GPC5: variants seen among roughly 807,000 people sequenced by gnomAD.
GPC5 encodes glypican 5, also known as glypican-5.
GPC5 carries 47 observed loss-of-function variants against 53.9 expected under a neutral mutation model. The ratio of observed to expected loss-of-function variants is 0.87; its 90% CI spans 0.69 to 1.11. The LOEUF is 1.11. Ranked by LOEUF, GPC5 falls within the 50% of genes most tolerant of loss-of-function variation. The pLI is 0.00. For synonymous variants in GPC5, 286 were observed against 263.3 expected, an observed-to-expected ratio of 1.09 and a Z score of -0.84; for missense variants, 748 against 713.1, an observed-to-expected ratio of 1.05 and a Z score of -0.56.
At position 91,676,228 on chromosome 13, in the gene GPC5, G is replaced by A. The variant is rs543966305; in HGVS notation, c.326-16959G>A. Among the ~76,000 whole-genome samples, 9 of 152,126 alleles carry A rather than the reference G, an allele frequency of 5.9e-5. No homozygotes were observed. The South Asian group carries it at 1.0e-3, about 18-fold the overall frequency. On this transcript the variant is annotated intron_variant, in intron 2 of 7. Transcript: ENST00000377067. ...TGGGATTACAGGTGCCCGCCACCAC[G>A]CCTGACTAATTTTTGTATTTTTAGT...
intron 1 of GPC5, among the ~76,000 whole-genome samples, chr13:91,408,839 A>G (rs1877515510): frequency 6.6e-6 from 1 of 152,140 alleles, no homozygotes; most frequent in Non-Finnish European, 1.5e-5. Context: ...TAATTAAATA[A>G]TCTTCGCAGC....
At chr13:92,307,382 A>G (rs2043117872) in intron 7 of GPC5, among the ~76,000 whole-genome samples, 3 of 152,182 alleles carry the variant, frequency 2.0e-5, no homozygotes, top group African/African-American at 7.2e-5. Context: ...TGAACTCGGG[A>G]GGCAGAGGTT....
chr13:91,875,933 A>G (rs183705284), intron 5 of GPC5, among the ~76,000 whole-genome samples: 1 of 152,340 alleles, frequency 6.6e-6, no homozygotes, highest in Non-Finnish European at 1.5e-5. Flanking sequence ...ATCTCCCAGA[A>G]TTCCCACATG....
At chr13:91,538,884 C>G (rs1886720412) in intron 2 of GPC5, among the ~76,000 whole-genome samples, 1 of 151,792 alleles carries the variant, frequency 6.6e-6, no homozygotes, top group Non-Finnish European at 1.5e-5. Context: ...CCACCGTGCC[C>G]AGCCCCATTG....
intron 6 of GPC5, among the ~76,000 whole-genome samples, chr13:91,984,455 C>T (rs946396036): frequency 6.6e-6 from 1 of 152,146 alleles, no homozygotes; most frequent in African/African-American, 2.4e-5. Flanking sequence ...ACGTGGTACT[C>T]TTGATTGTAC....
At chr13:92,490,881 C>T (rs1879733833) in intron 7 of GPC5, among the ~76,000 whole-genome samples, 5 of 151,916 alleles carry the variant, frequency 3.3e-5, no homozygotes, top group Admixed American at 3.3e-4. Flanking sequence ...GGCAAGAAAA[C>T]TACAGTGGAA....
intron 4 of GPC5, among the ~76,000 whole-genome samples, chr13:91,755,918 A>C (rs1296392543): frequency 1.3e-5 from 2 of 152,046 alleles, no homozygotes. Flanking sequence ...AGATGATAGC[A>C]GGTAGTGAGG....
intron 5 of GPC5, among the ~76,000 whole-genome samples, chr13:91,818,209 T>G (rs1298623301): frequency 2.6e-5 from 4 of 152,194 alleles, no homozygotes. Flanking sequence ...AGCACCATAT[T>G]TTTTCCTCCT....
intron 7 of GPC5, among the ~76,000 whole-genome samples, chr13:92,457,763 C>T (rs1213356554): frequency 6.6e-6 from 1 of 151,868 alleles, no homozygotes; most frequent in Admixed American, 6.6e-5. Flanking sequence ...TTTTGTAACT[C>T]TGCTTGCTCT....
intron 7 of GPC5, among the ~76,000 whole-genome samples, chr13:92,435,371 G>A (rs769236035): frequency 4.9e-4 from 75 of 152,138 alleles, no homozygotes; most frequent in Non-Finnish European, 9.8e-4. Context: ...TGGGAGAAGA[G>A]GGATTCAAAT....
chr13:91,731,964 T>A (rs1036181536), intron 4 of GPC5, among the ~76,000 whole-genome samples: 4 of 152,232 alleles, frequency 2.6e-5, no homozygotes, highest in African/African-American at 9.6e-5. Flanking sequence ...TCCATGTATT[T>A]GCTATTGTAA....
intron 7 of GPC5, among the ~76,000 whole-genome samples, chr13:92,734,257 A>G (rs1389263476): frequency 6.6e-6 from 1 of 151,522 alleles, no homozygotes; most frequent in Non-Finnish European, 1.5e-5. Flanking sequence ...AGACTCATTG[A>G]CTCTCATCTC....
chr13:91,906,289 A>G (rs1188728302), intron 5 of GPC5, among the ~76,000 whole-genome samples: 1 of 151,922 alleles, frequency 6.6e-6, no homozygotes, highest in Non-Finnish European at 1.5e-5. Flanking sequence ...TCCTCTTCTT[A>G]CCTCAATACA....
chr13:91,663,790 C>A (rs907500643), intron 2 of GPC5, among the ~76,000 whole-genome samples: 4 of 152,068 alleles, frequency 2.6e-5, no homozygotes, highest in Non-Finnish European at 4.4e-5. Flanking sequence ...AATGAAAAAC[C>A]ATTAAATTTG....
At chr13:92,250,902 AT>A (rs1355106568) in intron 7 of GPC5, among the ~76,000 whole-genome samples, 3 of 152,132 alleles carry the variant, frequency 2.0e-5, no homozygotes, top group African/African-American at 7.2e-5. Flanking sequence ...TACCGCATGT[AT>A]GAAAATGAAA....
intron 2 of GPC5, among the ~76,000 whole-genome samples, chr13:91,606,952 T>G (rs994905501): frequency 6.6e-6 from 1 of 151,436 alleles, no homozygotes; most frequent in African/African-American, 2.4e-5. Flanking sequence ...TGTCTCTATT[T>G]CCTTCAGTTC....
intron 7 of GPC5, among the ~76,000 whole-genome samples, chr13:92,441,538 A>G (rs1434434884): frequency 6.6e-6 from 1 of 152,202 alleles, no homozygotes; most frequent in African/African-American, 2.4e-5. Context: ...CTATACACTA[A>G]TAACATTGAA....
At chr13:92,129,433 T>C (rs2041725759) in intron 6 of GPC5, among the ~76,000 whole-genome samples, 1 of 152,242 alleles carries the variant, frequency 6.6e-6, no homozygotes, top group African/African-American at 2.4e-5. Context: ...TTCATTATTC[T>C]TTTATATAGT....
At chr13:92,017,525 T>C (rs1475651267) in intron 6 of GPC5, among the ~76,000 whole-genome samples, 1 of 152,202 alleles carries the variant, frequency 6.6e-6, no homozygotes, top group Non-Finnish European at 1.5e-5. Context: ...GTTTTATACA[T>C]AAAGTCCCCA....
Sources: allele counts gnomAD v4.1 joint callset (sites outside exome capture counted in the v4.1 genomes callset), GRCh38; gene constraint gnomAD v4.1.1; transcripts MANE v1.5; gene names NCBI Gene and HGNC (gene_info 2026-07-23, HGNC 2026-07-21).